The following EIF3I variants were observed in gnomAD, a reference collection of about 807,000 sequenced individuals.
EIF3I encodes the protein TGF-beta receptor-interacting protein 1.
EIF3I carries 20 observed loss-of-function variants against 43.3 expected under a neutral mutation model. The observed-to-expected ratio is 0.46, with a 90% CI of 0.32 to 0.67. EIF3I has a LOEUF of 0.67. Ranked by LOEUF, EIF3I falls within the 30% of genes least tolerant of loss-of-function variation. The probability of loss-of-function intolerance (pLI) is 0.03; values close to 1 mark genes in which losing one functional copy is unlikely to be tolerated. For missense variants in EIF3I, 279 were observed against 421.4 expected, an observed-to-expected ratio of 0.66 and a Z score of 2.96; for synonymous variants, 167 against 151.7, an observed-to-expected ratio of 1.10 and a Z score of -0.74.
At position 32,230,026 on chromosome 1, in the gene EIF3I, T is replaced by C. The variant is rs1349881976; in HGVS notation, c.804-240T>C. Among the ~76,000 whole-genome samples the C allele has an allele frequency of 2.0e-5, 3 of 152,162 alleles. No homozygotes were observed. In the East Asian group the frequency reaches 5.8e-4, roughly 29 times the overall value. ...TATTAGTTATGTATTCAGGCAGACA[T>C]CTGGGTCCAGTCTTCCCCATATAAT... On this transcript the variant is annotated intron_variant, in intron 9 of 11. Coordinates refer to ENST00000676679, the Ensembl canonical transcript of EIF3I.
downstream of EIF3I, among the ~76,000 whole-genome samples, chr1:32,233,220 T>A (rs1639262108): frequency 6.6e-6 from 1 of 152,084 alleles, no homozygotes; most frequent in South Asian, 2.1e-4. Context: ...AGTGGTGGGA[T>A]CTTGGCTTAC....
At chr1:32,226,415 C>G in exon 6 of EIF3I, 2 of 1,606,060 alleles carry the variant, frequency 1.2e-6, no homozygotes, top group Non-Finnish European at 1.7e-6. Flanking sequence ...AACAATGAGC[C>G]CTACATGAAG....
chr1:32,228,846 AAGCCTC>A, intron 8 of EIF3I, 30 bp downstream of exon 8: 1 of 1,542,528 alleles, frequency 6.5e-7, no homozygotes, highest in South Asian at 1.1e-5. Context: ...CTTCCTGCTG[AAGCCTC>A]AGGAAGCTTC....
chr1:32,226,691 C>T (rs561054830), intron 6 of EIF3I, among the ~76,000 whole-genome samples, 161 bp downstream of exon 6: 21 of 148,088 alleles, frequency 1.4e-4, no homozygotes, highest in South Asian at 6.5e-4. Flanking sequence ...CTTAGCCTCC[C>T]GAGTAGCTGG....
At chr1:32,227,275 T>TAAA (rs1005926284) in intron 6 of EIF3I, among the ~76,000 whole-genome samples, 3 of 55,392 alleles carry the variant, frequency 5.4e-5, no homozygotes, top group Non-Finnish European at 7.6e-5. Flanking sequence ...ACCCTGTCTC[T>TAAA]AAAAAAAAAA....
intron 4 of EIF3I, among the ~76,000 whole-genome samples, chr1:32,225,642 G>A (rs1035005954): frequency 5.9e-5 from 9 of 151,812 alleles, no homozygotes; most frequent in African/African-American, 1.9e-4. Context: ...TCAGGAGGCT[G>A]AGGCAGAAGA....
chr1:32,224,168 G>A lies in EIF3I; in HGVS notation c.184+47G>A, dbSNP rs373447806. 119 of 1,591,402 alleles carry A rather than the reference G, an allele frequency of 7.5e-5. 2 individuals are homozygous for A. Among genetic ancestry groups the A allele is most frequent in the South Asian group, 5.3e-4 (48 of 90,610 alleles). On this transcript the variant is annotated intron_variant, in intron 3 of 11. Transcript: ENST00000676679. ...GTCCGTGTTGCTAGGGTCTGTCAGC[G>A]ATGGAGAGGCTGAGTTGGGAGTTGG...
At chr1:32,229,548 T>C (rs1046167738) in intron 9 of EIF3I, among the ~76,000 whole-genome samples, 4 of 114,474 alleles carry the variant, frequency 3.5e-5, no homozygotes, top group East Asian at 2.7e-4. Flanking sequence ...GTGCCCAGCC[T>C]TTTTTTTTTT....
intron 6 of EIF3I, among the ~76,000 whole-genome samples, chr1:32,227,098 T>G (rs1035799552): frequency 6.6e-6 from 1 of 151,212 alleles, no homozygotes; most frequent in African/African-American, 2.4e-5. Context: ...CCTCGGGTCC[T>G]GGTGATAGCA....
chr1:32,228,754 C>T lies in EIF3I; in HGVS notation c.667C>T (p.Gln223Ter). The T allele has an allele frequency of 6.2e-7, 1 of 1,614,140 alleles. No homozygotes were observed. The highest frequency in any genetic ancestry group is 8.5e-7 in the Non-Finnish European group (1 of 1,180,024). ...TTTTGACTCCACAACTCTTGAACAT[C>T]AGAAGACTTTCCGGACAGAACGTCC... The change falls in exon 8 of 12, where the codon CAG becomes TAG. Residue 223 changes from glutamine (Q) to a stop codon, truncating the protein, a stop_gained. Transcript: ENST00000676679. LOFTEE classifies it high-confidence loss of function.
At chr1:32,226,566 AATT>A in intron 6 of EIF3I, 36 bp downstream of exon 6, 1 of 1,402,620 alleles carries the variant, frequency 7.1e-7, no homozygotes, top group Non-Finnish European at 9.3e-7. Flanking sequence ...CTACCAGAAT[AATT>A]TTTTTTTTTT....
chr1:32,229,860 T>C (rs1639208051), intron 9 of EIF3I, among the ~76,000 whole-genome samples: 1 of 151,876 alleles, frequency 6.6e-6, no homozygotes, highest in Admixed American at 6.6e-5. Context: ...CTTCATTATA[T>C]TTCTCTATGT....
chr1:32,222,721 C>CA, intron 2 of EIF3I, 91 bp downstream of exon 2: 4 of 1,284,822 alleles, frequency 3.1e-6, no homozygotes, highest in Non-Finnish European at 4.5e-6. Context: ...AGCGGGGAAC[C>CA]AAAGAGCAGC....
chr1:32,227,254 G>T (rs1436018709), intron 6 of EIF3I, among the ~76,000 whole-genome samples: 1 of 144,166 alleles, frequency 6.9e-6, no homozygotes, highest in Non-Finnish European at 1.5e-5. Context: ...TCCAGCCTGG[G>T]TGACAGTGAG....
downstream of EIF3I, chr1:32,232,140 C>T (rs561658258): frequency 1.4e-3 from 213 of 152,384 alleles, 1 homozygote; most frequent in Non-Finnish European, 1.2e-3. Context: ...GCTGGTTGAG[C>T]CCAGACCACA....
At chr1:32,232,631 G>T (rs190292390), downstream of EIF3I, among the ~76,000 whole-genome samples, 81 of 152,316 alleles carry the variant, frequency 5.3e-4, no homozygotes, top group African/African-American at 1.4e-3. Context: ...AAGATGCAGA[G>T]AACAGTGAGG....
intron 2 of EIF3I, among the ~76,000 whole-genome samples, chr1:32,223,219 A>G (rs940993136): frequency 6.6e-6 from 1 of 152,194 alleles, no homozygotes; most frequent in Non-Finnish European, 1.5e-5. Flanking sequence ...TTTTAAGTCA[A>G]TCCCATCCTG....
rs79086471 is a variant in EIF3I, at chr1:32,231,101, C to T, written c.1008-14C>T. 4,123 of 1,613,544 alleles carry T rather than the reference C, an allele frequency of 2.6e-3. 79 individuals are homozygous for T. In the African/African-American group the frequency reaches 0.048, roughly 19 times the overall value. The stretch of plus-strand genomic sequence containing the variant: ...GAGTAAGCACCTGACTGGTGCCTGG[C>T]TATCTTTTTCCAGCTACAGCAGCGG... On this transcript the variant is annotated splice_polypyrimidine_tract_variant and intron_variant, in intron 11 of 11. Coordinates refer to ENST00000676679, the Ensembl canonical transcript of EIF3I.
chr1:32,233,667 G>T (rs139134409), downstream of EIF3I, among the ~76,000 whole-genome samples: 55 of 152,306 alleles, frequency 3.6e-4, no homozygotes, highest in East Asian at 9.4e-3. Flanking sequence ...ACACCCAGCA[G>T]GTGAGTGGTG....
Sources: allele counts gnomAD v4.1 joint callset (sites outside exome capture counted in the v4.1 genomes callset), GRCh38; gene constraint gnomAD v4.1.1; transcripts MANE v1.5; gene names NCBI Gene and HGNC (gene_info 2026-07-23, HGNC 2026-07-21).